The following GRM1 variants were observed in gnomAD, a reference collection of about 807,000 sequenced individuals.
GRM1 encodes the protein glutamate metabotropic receptor 1, also known as metabotropic glutamate receptor 1.
In GRM1, 33 loss-of-function variants were observed where a neutral mutation model predicts 90.9. The ratio of observed to expected loss-of-function variants is 0.36; its 90% CI spans 0.28 to 0.49. The LOEUF (loss-of-function observed/expected upper bound fraction) is 0.49. Among genes scored for constraint, GRM1 ranks in the 20% least tolerant of loss-of-function variants. GRM1 has a pLI of 0.99. For missense variants in GRM1, 1,190 were observed against 1,534.3 expected (o/e 0.78, Z 3.75); for synonymous variants, 700 against 613.2 (o/e 1.14, Z -2.09).
intron 3 of GRM1, among the ~76,000 whole-genome samples, chr6:146,344,795 CG>C (rs1562625389): frequency 1.3e-5 from 2 of 150,732 alleles, no homozygotes; most frequent in African/African-American, 2.4e-5. Context: ...ATATCTTTTT[CG>C]TTTTTCTTTT....
At chr6:146,369,430 T>C (rs1387781804) in intron 5 of GRM1, among the ~76,000 whole-genome samples, 1 of 152,016 alleles carries the variant, frequency 6.6e-6, no homozygotes, top group Admixed American at 6.6e-5. Context: ...TTTGAAGTTT[T>C]TCTACCTTTT....
At chr6:146,188,279 A>G (rs1778808922) in intron 2 of GRM1, among the ~76,000 whole-genome samples, 1 of 152,104 alleles carries the variant, frequency 6.6e-6, no homozygotes, top group South Asian at 2.1e-4. Flanking sequence ...TTTTCTAAAA[A>G]TCCTTTTTTG....
chr6:146,262,630 T>C (rs1461529544), intron 2 of GRM1, among the ~76,000 whole-genome samples: 1 of 151,940 alleles, frequency 6.6e-6, no homozygotes, highest in East Asian at 1.9e-4. Context: ...ATATTTTCTC[T>C]GTGTATGTGT....
intron 4 of GRM1, among the ~76,000 whole-genome samples, chr6:146,354,756 G>C (rs1785524848): frequency 6.6e-6 from 1 of 152,090 alleles, no homozygotes; most frequent in African/African-American, 2.4e-5. Flanking sequence ...TTGTAAATAT[G>C]TAATTTATAG....
intron 6 of GRM1, among the ~76,000 whole-genome samples, chr6:146,397,306 C>T (rs1024980050): frequency 6.6e-6 from 1 of 151,604 alleles, no homozygotes; most frequent in Non-Finnish European, 1.5e-5. Flanking sequence ...AACCCCGTCT[C>T]TAGTAAAAAT....
At chr6:146,231,074 A>G (rs970516119) in intron 2 of GRM1, among the ~76,000 whole-genome samples, 6 of 152,166 alleles carry the variant, frequency 3.9e-5, no homozygotes, top group African/African-American at 1.2e-4. Flanking sequence ...TGCTACTGTA[A>G]TGTTGGATAC....
intron 1 of GRM1, among the ~76,000 whole-genome samples, chr6:146,038,045 A>C (rs1790955551): frequency 1.3e-5 from 2 of 152,128 alleles, no homozygotes; most frequent in South Asian, 2.1e-4. Context: ...TTCAATGTAG[A>C]GTGACTGCTC....
chr6:146,195,912 G>A (rs1444237658), intron 2 of GRM1, among the ~76,000 whole-genome samples: 2 of 152,206 alleles, frequency 1.3e-5, no homozygotes, highest in Admixed American at 6.5e-5. Flanking sequence ...TTCAACAGCA[G>A]GAGGTACTGA....
At chr6:146,305,131 G>T (rs996191404) in intron 3 of GRM1, among the ~76,000 whole-genome samples, 1 of 151,326 alleles carries the variant, frequency 6.6e-6, no homozygotes, top group African/African-American at 2.4e-5. Flanking sequence ...AAGACAGAAG[G>T]AAGAGATTTT....
chr6:146,079,975 G>T (rs1332018167), intron 1 of GRM1, among the ~76,000 whole-genome samples: 1 of 152,218 alleles, frequency 6.6e-6, no homozygotes, highest in African/African-American at 2.4e-5. Context: ...GGGCTTGGAA[G>T]GCTTTCAGAA....
At chr6:146,072,083 A>ATTC (rs141371641) in intron 1 of GRM1, among the ~76,000 whole-genome samples, 1,543 of 152,300 alleles carry the variant, frequency 0.01, 27 homozygotes, top group East Asian at 0.071. Flanking sequence ...ATTTCAAATC[A>ATTC]TTCTTTTTGA....
intron 1 of GRM1, among the ~76,000 whole-genome samples, chr6:146,138,819 T>C (rs1210866919): frequency 6.6e-6 from 1 of 152,128 alleles, no homozygotes; most frequent in Non-Finnish European, 1.5e-5. Context: ...TTGTTTTAAT[T>C]TCATTTATTT....
At chr6:146,315,700 A>G (rs909479346) in intron 3 of GRM1, among the ~76,000 whole-genome samples, 2 of 152,222 alleles carry the variant, frequency 1.3e-5, no homozygotes, top group African/African-American at 4.8e-5. Flanking sequence ...GAAGAAATTC[A>G]TACTTAAAAT....
intron 5 of GRM1, among the ~76,000 whole-genome samples, chr6:146,383,305 TA>T (rs1776386587): frequency 1.3e-5 from 2 of 152,176 alleles, no homozygotes; most frequent in Non-Finnish European, 1.5e-5. Flanking sequence ...CCTGCATAAG[TA>T]AATTGGTTTA....
At chr6:146,056,307 C>T (rs1463840904) in intron 1 of GRM1, among the ~76,000 whole-genome samples, 2 of 152,246 alleles carry the variant, frequency 1.3e-5, no homozygotes, top group South Asian at 2.1e-4. Flanking sequence ...GGCACCCTCT[C>T]CAGCCAACTG....
intron 2 of GRM1, among the ~76,000 whole-genome samples, chr6:146,161,937 C>T (rs1777743376): frequency 6.6e-6 from 1 of 152,180 alleles, no homozygotes; most frequent in Admixed American, 6.5e-5. Flanking sequence ...GCCTTCCCTT[C>T]AGGTGGCTGA....
chr6:146,312,888 TC>T (rs1348730030), intron 3 of GRM1, among the ~76,000 whole-genome samples: 6 of 152,186 alleles, frequency 3.9e-5, no homozygotes, highest in African/African-American at 1.4e-4. Flanking sequence ...GTGGACTGGT[TC>T]CCACACAGAC....
In GRM1 at chr6:146,357,653, C is replaced by T. The variant is rs746660819; in HGVS notation, c.1561C>T (p.Arg521Trp). 1.4e-5 allele frequency: 23 copies of T among 1,613,750 alleles called. No individual in the cohort carries two copies. Among genetic ancestry groups the T allele is most frequent in the African/African-American group, 6.7e-5 (5 of 74,926 alleles). ...KIQMNKSGVV[R>W]SVCSEPCLKG... ...CCAGATGAACAAGAGTGGAGTGGTG[C>T]GGTCTGTGTGCAGTGAGCCTTGCTT... is the stretch of plus-strand genomic sequence containing the variant. The change falls in exon 5 of 8, where the codon CGG becomes TGG. Residue 521 changes from arginine (R) to tryptophan (W), a missense_variant. By Grantham distance (101) the Arg-to-Trp change is moderately radical (BLOSUM62 -3). Around this residue, in one of 10 missense-constraint regions of GRM1, gnomAD observed 414 missense variants for 598.4 expected, o/e 0.69. Coordinates refer to ENST00000282753, the MANE Select transcript of GRM1 (RefSeq NM_001278064.2).
intron 2 of GRM1, among the ~76,000 whole-genome samples, chr6:146,197,038 A>G (rs1779146854): frequency 1.3e-5 from 2 of 152,230 alleles, no homozygotes; most frequent in Admixed American, 6.5e-5. Flanking sequence ...ATGATAAATA[A>G]GTAGGCAAGC....
Sources: allele counts gnomAD v4.1 joint callset (sites outside exome capture counted in the v4.1 genomes callset), GRCh38; gene constraint gnomAD v4.1.1; regional missense constraint gnomAD v4.1.1; transcripts MANE v1.5; gene names NCBI Gene and HGNC (gene_info 2026-07-23, HGNC 2026-07-21).